UBQLN4: variants seen among roughly 807,000 people sequenced by gnomAD.
UBQLN4 encodes the protein ubiquilin-4.
A neutral mutation model predicts 60.4 loss-of-function variants in UBQLN4; 11 were observed. The observed-to-expected ratio is 0.18, with a 90% confidence interval of 0.11 to 0.30. The LOEUF (loss-of-function observed/expected upper bound fraction) is 0.30, where lower values mean the gene tolerates loss of function less well. Among genes scored for constraint, UBQLN4 ranks in the 10% least tolerant of loss-of-function variants. The pLI is 1.00. For missense variants in UBQLN4, 417 were observed against 795.5 expected, an observed-to-expected ratio of 0.52 and a Z score of 5.72; for synonymous variants, 258 against 313.1, an observed-to-expected ratio of 0.82 and a Z score of 1.86.
Position 156,042,584 on chromosome 1 carries a change from G to A in UBQLN4, c.1266+190C>T, listed in dbSNP as rs2102744723. The stretch of plus-strand genomic sequence containing the variant: ...ACAACTATAGGAGGTAGGAACTATT[G>A]TTATTATCATCTTACAGATAAAGAA... On this transcript the variant is annotated intron_variant, in intron 7 of 10. Coordinates refer to ENST00000368309, the MANE Select transcript of UBQLN4 (RefSeq NM_020131.5). 4.6e-6 allele frequency: 5 copies of A among 1,079,644 alleles called. No homozygotes were observed. The East Asian group carries it at 1.3e-4, about 28-fold the overall frequency. 66.9% of individuals were successfully genotyped at this position (1,079,644 alleles called of 1,614,324 possible).
chr1:156,044,474 C>T (rs1214347476), intron 5 of UBQLN4, among the ~76,000 whole-genome samples: 1 of 152,102 alleles, frequency 6.6e-6, no homozygotes, highest in Non-Finnish European at 1.5e-5. Context: ...TTCCCATCCC[C>T]CCGGTGGCTT....
At chr1:156,043,002 C>T in intron 6 of UBQLN4, 89 bp from the exon 7 acceptor site, 1 of 1,495,120 alleles carries the variant, frequency 6.7e-7, no homozygotes, top group Non-Finnish European at 9.0e-7. Flanking sequence ...ACTTCAGACA[C>T]CGAATGACTA....
chr1:156,041,095 G>A (rs1210191109), intron 10 of UBQLN4, among the ~76,000 whole-genome samples: 2 of 152,116 alleles, frequency 1.3e-5, no homozygotes, highest in African/African-American at 4.8e-5. Flanking sequence ...TTTGAGTCTT[G>A]GCTTCATTAT....
At chr1:156,041,433 C>T in intron 10 of UBQLN4, 52 bp downstream of exon 10, 4 of 1,468,780 alleles carry the variant, frequency 2.7e-6, no homozygotes, top group Non-Finnish European at 3.6e-6. Flanking sequence ...CCCTTGAAAC[C>T]TCCCAGGATC....
rs1241568903 is a variant in UBQLN4, at chr1:156,035,492, A to G, written c.*1486T>C. ...TCCAAGCAGCTGGGCCAAGTAGGAG[A>G]GGGAAGAGGTGATATGAGCCTCCTC... On this transcript the variant is annotated 3_prime_UTR_variant, in exon 11 of 11. Coordinates refer to ENST00000368309, the MANE Select transcript of UBQLN4 (RefSeq NM_020131.5). 7 of 985,280 alleles carry G rather than the reference A, an allele frequency of 7.1e-6. No individual in the cohort carries two copies. The highest frequency in any genetic ancestry group is 8.4e-6 in the Non-Finnish European group (7 of 829,926). 61.0% of individuals were successfully genotyped at this position (985,280 alleles called of 1,614,324 possible).
In UBQLN4 at chr1:156,048,798, G is replaced by C. The variant is rs1683785339; in HGVS notation, c.742-139C>G. 5 of 929,594 alleles carry C rather than the reference G, an allele frequency of 5.4e-6. No homozygotes were observed. Among genetic ancestry groups the C allele is most frequent in the Non-Finnish European group, 3.2e-6 (2 of 630,128 alleles). The allele number at this position is 929,594 out of a possible 1,614,324, so 57.6% of individuals were successfully genotyped here. A position where few individuals can be genotyped will look rare whatever the true frequency, so the allele number is the denominator to read the frequency against. ...AACTGCCCCACAGTGACAGGGAGTAGAGTAAACTGGACTTCCTTCCTCTAC... is the reference window on the plus strand; with the variant it reads ...AACTGCCCCACAGTGACAGGGAGTACAGTAAACTGGACTTCCTTCCTCTAC... On this transcript the variant is annotated intron_variant, in intron 4 of 10. Coordinates refer to ENST00000368309, the MANE Select transcript of UBQLN4 (RefSeq NM_020131.5). This position sits in a 1 kb window ranked among gnomAD's most constrained non-coding sequence, Gnocchi z 4.9.
chr1:156,042,734 C>T, intron 7 of UBQLN4, 40 bp downstream of exon 7: 1 of 1,600,906 alleles, frequency 6.2e-7, no homozygotes, highest in Non-Finnish European at 8.5e-7. Flanking sequence ...CCAAGAGGAA[C>T]TCTCTCCCCA....
intron 5 of UBQLN4, among the ~76,000 whole-genome samples, chr1:156,045,895 GA>G (rs1225162875): frequency 2.0e-5 from 3 of 151,596 alleles, no homozygotes; most frequent in Admixed American, 6.6e-5. Context: ...GCCCAGGTTG[GA>G]GTGCAAAGGC....
At chr1:156,034,296 C>CCTT (rs568990579), downstream of UBQLN4, among the ~76,000 whole-genome samples, 12 of 123,376 alleles carry the variant, frequency 9.7e-5, no homozygotes, top group African/African-American at 3.7e-4. Context: ...TTTTGTTTTA[C>CCTT]TTTTTTTTTT....
Position 156,050,685 on chromosome 1 carries a change from C to A in UBQLN4, c.479-132G>T. On this transcript the variant is annotated intron_variant, in intron 3 of 10. Coordinates refer to ENST00000368309, the MANE Select transcript of UBQLN4 (RefSeq NM_020131.5). This position sits in a 1 kb window ranked among gnomAD's most constrained non-coding sequence, Gnocchi z 4.6. ...GTCCCTCTTCCTGTCATTCCCACAG[C>A]CCGGCCCTGATCCACTGCTGGCAAA... 1 of 1,366,016 alleles carries A rather than the reference C, an allele frequency of 7.3e-7. No individual in the cohort carries two copies. Among genetic ancestry groups the A allele is most frequent in the Non-Finnish European group, 9.7e-7 (1 of 1,029,984 alleles). 84.6% of individuals were successfully genotyped at this position (1,366,016 alleles called of 1,614,324 possible).
Position 156,050,699 on chromosome 1 carries a change from A to C in UBQLN4, c.479-146T>G. ...CATTCCCACAGCCCGGCCCTGATCC[A>C]CTGCTGGCAAAAAAATGTGAGCCTA... On this transcript the variant is annotated intron_variant, in intron 3 of 10. Transcript: ENST00000368309. This position sits in a 1 kb window ranked among gnomAD's most constrained non-coding sequence, Gnocchi z 4.6. 1.6e-6 allele frequency: 2 copies of C among 1,277,642 alleles called. No homozygotes were observed. The highest frequency in any genetic ancestry group is 2.1e-6 in the Non-Finnish European group (2 of 952,658). 79.1% of individuals were successfully genotyped at this position (1,277,642 alleles called of 1,614,324 possible).
chr1:156,047,451 G>T (rs1683735305), intron 5 of UBQLN4, among the ~76,000 whole-genome samples: 1 of 151,144 alleles, frequency 6.6e-6, no homozygotes, highest in Non-Finnish European at 1.5e-5. Flanking sequence ...CACCATTTTA[G>T]CCAGGATGGT....
intron 10 of UBQLN4, 37 bp downstream of exon 10, chr1:156,041,448 T>G: frequency 1.3e-6 from 2 of 1,486,090 alleles, no homozygotes; most frequent in Non-Finnish European, 1.8e-6. Flanking sequence ...AGGATCAAAG[T>G]GGTGCTCCCA....
chr1:156,044,959 C>T (rs750837975), intron 5 of UBQLN4, among the ~76,000 whole-genome samples: 2 of 152,162 alleles, frequency 1.3e-5, no homozygotes, highest in Non-Finnish European at 1.5e-5. Flanking sequence ...CCATGCTCCT[C>T]ACTGTGCTCC....
In UBQLN4 at chr1:156,050,253, A is replaced by C; in HGVS notation, c.741+38T>G. ...AAGGCTGGGCAGGGCACGGCTGGGCACCAGTGTCCTCCAGCTCTCCAGCCC... is the reference window on the plus strand; with the variant it reads ...AAGGCTGGGCAGGGCACGGCTGGGCCCCAGTGTCCTCCAGCTCTCCAGCCC... On this transcript the variant is annotated intron_variant, in intron 4 of 10. Transcript: ENST00000368309. This position sits in a 1 kb window ranked among gnomAD's most constrained non-coding sequence, Gnocchi z 4.6. 1 of 1,527,206 alleles carries C rather than the reference A, an allele frequency of 6.5e-7. No individual in the cohort carries two copies. 94.6% of individuals were successfully genotyped at this position (1,527,206 alleles called of 1,614,324 possible). A position where few individuals can be genotyped will look rare whatever the true frequency, so the allele number is the denominator to read the frequency against.
chr1:156,032,540 T>A (rs1189609457), downstream of UBQLN4, among the ~76,000 whole-genome samples: 2 of 150,580 alleles, frequency 1.3e-5, no homozygotes, highest in African/African-American at 2.4e-5. Context: ...AGAATGAACG[T>A]TTAATGCATT....
Position 156,050,891 on chromosome 1 carries a change from C to T in UBQLN4, c.478+219G>A, listed in dbSNP as rs1683849897. ...GTTCCCCACATCCCCAACCCCATTT[C>T]TCCCCTCACTCCTAACCCTTAGCCA... On this transcript the variant is annotated intron_variant, in intron 3 of 10. Transcript: ENST00000368309. The surrounding 1 kb of genome is among the most constrained non-coding windows in gnomAD (Gnocchi z 4.6). Among the ~76,000 whole-genome samples the T allele has an allele frequency of 6.6e-6, 1 of 151,864 alleles. No homozygotes were observed. Among genetic ancestry groups the T allele is most frequent in the East Asian group, 1.9e-4 (1 of 5,182 alleles).
downstream of UBQLN4, among the ~76,000 whole-genome samples, chr1:156,032,200 C>CA (rs1182967532): frequency 6.6e-6 from 1 of 151,732 alleles, no homozygotes; most frequent in Non-Finnish European, 1.5e-5. Context: ...ATGGGGGTTT[C>CA]ACCATATTGG....
chr1:156,053,457 C>T (rs1683938118), intron 1 of UBQLN4, 137 bp downstream of exon 1: 1 of 597,164 alleles, frequency 1.7e-6, no homozygotes. Flanking sequence ...CTCTCCTTGC[C>T]TTCAGCTCCT....
Sources: allele counts gnomAD v4.1 joint callset (sites outside exome capture counted in the v4.1 genomes callset), GRCh38; gene constraint gnomAD v4.1.1; non-coding constraint Gnocchi (gnomAD v3.1); transcripts MANE v1.5; gene names NCBI Gene and HGNC (gene_info 2026-07-23, HGNC 2026-07-21).